The following SMARCA2 variants were observed in gnomAD, a reference collection of about 807,000 sequenced individuals.
SMARCA2 encodes the protein SWI/SNF-related matrix-associated actin-dependent regulator of chromatin subfamily A member 2.
Under a neutral mutation model 199.8 loss-of-function variants are expected in SMARCA2, and 61 were observed. The observed-to-expected ratio is 0.31, with a 90% CI of 0.25 to 0.38. The LOEUF is 0.38. Among genes scored for constraint, SMARCA2 ranks in the 10% least tolerant of loss-of-function variants. The pLI, the probability that SMARCA2 is intolerant of heterozygous loss-of-function variation, is 1.00. For synonymous variants in SMARCA2, 935 were observed against 732.0 expected, an observed-to-expected ratio of 1.28 and a Z score of -4.48; for missense variants, 1,344 against 2,012.2, an observed-to-expected ratio of 0.67 and a Z score of 6.35.
In SMARCA2 at chr9:2,073,292, A is replaced by G. The variant is rs13288443; in HGVS notation, c.1827A>G (p.Pro609=). The change falls in exon 11 of 34, where the codon CCA becomes CCG. Residue 609 remains proline, a synonymous_variant. Coordinates refer to ENST00000349721, the MANE Select transcript of SMARCA2 (RefSeq NM_003070.5). The part of the protein sequence containing the change: ...HTETGKVLFG[P]EAPKASQLDA... ...AAACCGGCAAGGTTCTGTTCGGACC[A>G]GAAGCACCCAAAGCAAGTCAGCTGG... The G allele has an allele frequency of 0.12, 188,135 of 1,613,946 alleles. 11,436 individuals are homozygous for G. The highest frequency in any genetic ancestry group is 0.15 in the Admixed American group (9,214 of 60,010).
intron 1 of SMARCA2, among the ~76,000 whole-genome samples, chr9:2,021,059 A>G (rs1472517763): frequency 1.3e-5 from 2 of 152,226 alleles, no homozygotes; most frequent in African/African-American, 4.8e-5. Context: ...GATTTACAAC[A>G]GTTTTTAAAA....
rs147154246 is a variant in SMARCA2 at position 2,104,144 on chromosome 9, G to A, written c.3267G>A (p.Arg1089=). ...TCATGGAGGATTATTTTGCTTTTCG[G>A]AACTTCCTTTACCTACGCCTTGATG... ...MTIMEDYFAF[R]NFLYLRLDGT... The change falls in exon 23 of 34, where the codon CGG becomes CGA. Residue 1089 remains arginine (R), a synonymous_variant. Coordinates refer to ENST00000349721, the MANE Select transcript of SMARCA2 (RefSeq NM_003070.5). This position sits in a 1 kb window ranked among gnomAD's most constrained non-coding sequence, Gnocchi z 4.0. The A allele has an allele frequency of 6.4e-5, 103 of 1,613,834 alleles. No individual in the cohort carries two copies. The highest frequency in any genetic ancestry group is 8.5e-5 in the Non-Finnish European group (100 of 1,179,960).
intron 28 of SMARCA2, among the ~76,000 whole-genome samples, chr9:2,166,868 A>G (rs1318810814): frequency 6.6e-6 from 1 of 152,198 alleles, no homozygotes; most frequent in Non-Finnish European, 1.5e-5. Context: ...ATGATACACC[A>G]TGGCTAGCCT....
chr9:2,165,418 TGC>T (rs1004037582), intron 28 of SMARCA2, among the ~76,000 whole-genome samples: 2 of 152,144 alleles, frequency 1.3e-5, no homozygotes, highest in Admixed American at 6.5e-5. Flanking sequence ...AAAAGGAGGG[TGC>T]TTCTAAAAAT....
intron 4 of SMARCA2, chr9:2,045,020 C>G (rs183464493): frequency 2.0e-5 from 3 of 152,254 alleles, no homozygotes; most frequent in Non-Finnish European, 1.5e-5. Flanking sequence ...AGTGACTTGA[C>G]TATACCTCAA....
At chr9:2,166,794 A>G (rs781554849) in intron 28 of SMARCA2, among the ~76,000 whole-genome samples, 14 of 152,210 alleles carry the variant, frequency 9.2e-5, no homozygotes, top group Admixed American at 2.6e-4. Context: ...GTGAACTCAT[A>G]TAGCCATGCT....
At chr9:2,073,062 C>T (rs1017671703) in intron 10 of SMARCA2, 150 bp from the exon 11 acceptor site, 3 of 843,706 alleles carry the variant, frequency 3.6e-6, no homozygotes, top group Admixed American at 6.3e-5. Context: ...TAGCCTCTCA[C>T]CTCCCACCAA....
At chr9:2,095,634 A>G (rs146348376) in intron 19 of SMARCA2, among the ~76,000 whole-genome samples, 1,737 of 152,320 alleles carry the variant, frequency 0.011, 39 homozygotes, top group African/African-American at 0.04. Context: ...ATGTGTGGCC[A>G]GAAACTATTA....
intron 3 of SMARCA2, among the ~76,000 whole-genome samples, chr9:2,037,439 T>A (rs1819382498): frequency 6.6e-6 from 1 of 152,248 alleles, no homozygotes; most frequent in East Asian, 1.9e-4. Flanking sequence ...TTCTCCTGAA[T>A]AGAGTTCTAC....
At position 2,059,004 on chromosome 9, in the gene SMARCA2, T is replaced by TTATG. The variant is rs1820471545; in HGVS notation, c.1521+541_1521+544dup. Among the ~76,000 whole-genome samples the TTATG allele has an allele frequency of 2.0e-5, 3 of 152,372 alleles. No individual in the cohort carries two copies. The South Asian group carries it at 6.2e-4, about 32-fold the overall frequency. On this transcript the variant is annotated intron_variant, in intron 8 of 33. Coordinates refer to ENST00000349721, the MANE Select transcript of SMARCA2 (RefSeq NM_003070.5). ...TGTTGCCTTTTTTGTGATAGCCTTG[T>TTATG]TATGGTCAAAGGCTATTCATGGATT... is the stretch of plus-strand genomic sequence containing the variant.
intron 1 of SMARCA2, among the ~76,000 whole-genome samples, chr9:2,021,001 C>T (rs568811259): frequency 2.6e-5 from 4 of 152,228 alleles, no homozygotes; most frequent in East Asian, 1.9e-4. Flanking sequence ...TAGATAGCTA[C>T]GACTTCCAGA....
chr9:2,160,170 C>T (rs1825588077), intron 27 of SMARCA2: 2 of 447,458 alleles, frequency 4.5e-6, no homozygotes, highest in South Asian at 4.5e-5. Flanking sequence ...TAGTGGGTGT[C>T]CTGCTTTTAG....
chr9:2,167,690 A>G (rs576197616), intron 28 of SMARCA2, among the ~76,000 whole-genome samples: 74 of 152,366 alleles, frequency 4.9e-4, no homozygotes, highest in African/African-American at 1.7e-3. Flanking sequence ...GAATTGTGGT[A>G]AGACTCAGCT....
intron 8 of SMARCA2, among the ~76,000 whole-genome samples, chr9:2,058,707 C>A (rs751685446): frequency 6.6e-6 from 1 of 152,082 alleles, no homozygotes; most frequent in African/African-American, 2.4e-5. Flanking sequence ...TGGCATTGCG[C>A]GGTACACATT....
intron 7 of SMARCA2, among the ~76,000 whole-genome samples, chr9:2,057,587 A>T (rs1440593944): frequency 6.6e-6 from 1 of 152,246 alleles, no homozygotes; most frequent in Admixed American, 6.5e-5. Context: ...CATAACAAAT[A>T]TAATAGTGTC....
In SMARCA2 at chr9:2,119,655, C is replaced by T; in HGVS notation, c.3762+120C>T. 1.5e-6 allele frequency: 1 copy of T among 681,772 alleles called. No homozygotes were observed. Among genetic ancestry groups the T allele is most frequent in the East Asian group, 2.8e-5 (1 of 35,972 alleles). 42.2% of individuals were successfully genotyped at this position (681,772 alleles called of 1,614,324 possible). On this transcript the variant is annotated intron_variant, in intron 26 of 33. Coordinates refer to ENST00000349721, the MANE Select transcript of SMARCA2 (RefSeq NM_003070.5). This position sits in a 1 kb window ranked among gnomAD's most constrained non-coding sequence, Gnocchi z 4.6. ...TTCATACGTAAAGCCTATGCCTTTC[C>T]TTCAGTTCAGAGGCTGCAAACTGGC...
At position 2,056,571 on chromosome 9, in the gene SMARCA2, C is replaced by G; in HGVS notation, c.1174-101C>G. On this transcript the variant is annotated intron_variant, in intron 6 of 33. Transcript: ENST00000349721. The surrounding 1 kb of genome is among the most constrained non-coding windows in gnomAD (Gnocchi z 4.0). The stretch of plus-strand genomic sequence containing the variant: ...GTGATTGAGAAGCTTGTGGAGATTC[C>G]CCGCCCCACTCTATTCCATTAAATG... 4 of 1,034,556 alleles carry G rather than the reference C, an allele frequency of 3.9e-6. No homozygotes were observed. The highest frequency in any genetic ancestry group is 5.5e-6 in the Non-Finnish European group (4 of 724,040). 64.1% of individuals were successfully genotyped at this position (1,034,556 alleles called of 1,614,324 possible).
intron 27 of SMARCA2, among the ~76,000 whole-genome samples, chr9:2,145,509 G>C (rs141730308): frequency 6.6e-6 from 1 of 152,068 alleles, no homozygotes; most frequent in Non-Finnish European, 1.5e-5. Flanking sequence ...GTGGTCAGGC[G>C]GTAGAATCAT....
Position 2,123,978 on chromosome 9 carries a change from G to T in SMARCA2, c.3981+41G>T. 6.6e-7 allele frequency: 1 copy of T among 1,504,706 alleles called. No homozygotes were observed. Among genetic ancestry groups the T allele is most frequent in the Middle Eastern group, 2.3e-4 (1 of 4,386 alleles). 93.2% of individuals were successfully genotyped at this position (1,504,706 alleles called of 1,614,324 possible). On this transcript the variant is annotated intron_variant, in intron 27 of 33. Transcript: ENST00000349721. This position sits in a 1 kb window ranked among gnomAD's most constrained non-coding sequence, Gnocchi z 4.1. ...CTAACCCGCTCTCACTAGGTGGAGGGTTTTTGGTGGCTTGGAGAAACCAGG... is the reference window on the plus strand; with the variant it reads ...CTAACCCGCTCTCACTAGGTGGAGGTTTTTTGGTGGCTTGGAGAAACCAGG...
Sources: allele counts gnomAD v4.1 joint callset (sites outside exome capture counted in the v4.1 genomes callset), GRCh38; gene constraint gnomAD v4.1.1; non-coding constraint Gnocchi (gnomAD v3.1); transcripts MANE v1.5; gene names NCBI Gene and HGNC (gene_info 2026-07-23, HGNC 2026-07-21).